The following CDH13 variants were observed in gnomAD, a reference collection of about 807,000 sequenced individuals.
The protein encoded by CDH13 is cadherin 13.
Under a neutral mutation model 63.8 loss-of-function variants are expected in CDH13, and 24 were observed. That is an observed-to-expected ratio of 0.38 (90% CI 0.27 to 0.53). The LOEUF is 0.53. Among genes scored for constraint, CDH13 ranks in the 20% least tolerant of loss-of-function variants. The probability of loss-of-function intolerance (pLI) is 0.85; values close to 1 mark genes in which losing one functional copy is unlikely to be tolerated. For synonymous variants in CDH13, 503 were observed against 355.3 expected, an observed-to-expected ratio of 1.42 and a Z score of -4.67; for missense variants, 1,049 against 903.1, an observed-to-expected ratio of 1.16 and a Z score of -2.07.
intron 8 of CDH13, among the ~76,000 whole-genome samples, chr16:83,617,702 TCA>T (rs1294157891): frequency 6.6e-6 from 1 of 151,484 alleles, no homozygotes; most frequent in Non-Finnish European, 1.5e-5. Flanking sequence ...AATCTTAATA[TCA>T]CATATTCTAT....
chr16:83,056,016 C>T (rs2030891148), intron 3 of CDH13, among the ~76,000 whole-genome samples: 1 of 152,024 alleles, frequency 6.6e-6, no homozygotes, highest in South Asian at 2.1e-4. Flanking sequence ...AACAAAAGGG[C>T]AGAGAACCCA....
intron 8 of CDH13, among the ~76,000 whole-genome samples, chr16:83,661,065 A>G (rs985948722): frequency 4.0e-5 from 6 of 151,716 alleles, no homozygotes; most frequent in African/African-American, 4.8e-5. Flanking sequence ...TTTTTTTTCA[A>G]ACAAAATCCC....
chr16:83,294,921 A>G lies in CDH13; in HGVS notation c.637-49941A>G, dbSNP rs78856569. ...AAACCACAAAAGACCATGGATAGCCAAAGTAATCTTGAGCAAAGAGAACAA... is the reference window on the plus strand; with the variant it reads ...AAACCACAAAAGACCATGGATAGCCGAAGTAATCTTGAGCAAAGAGAACAA... On this transcript the variant is annotated intron_variant, in intron 5 of 13. Coordinates refer to ENST00000567109, the MANE Select transcript of CDH13 (RefSeq NM_001257.5). Among the ~76,000 whole-genome samples the G allele has an allele frequency of 3.9e-3, 600 of 152,272 alleles. 4 individuals are homozygous for G. The highest frequency in any genetic ancestry group is 0.011 in the African/African-American group (438 of 41,548).
At chr16:82,645,364 A>G (rs1251388107) in intron 1 of CDH13, among the ~76,000 whole-genome samples, 2 of 152,290 alleles carry the variant, frequency 1.3e-5, no homozygotes, top group East Asian at 3.9e-4. Context: ...TCTGACGTCT[A>G]TCCGTGGTGC....
rs539603443 is a variant in CDH13 at position 83,379,594 on chromosome 16, C to G, written c.781+34588C>G. ...CAACTTGATCATGAGAAGGTTTTCA[C>G]AGGCCTTCCTGAAATCATGATACTA... On this transcript the variant is annotated intron_variant, in intron 6 of 13. Coordinates refer to ENST00000567109, the MANE Select transcript of CDH13 (RefSeq NM_001257.5). Among the ~76,000 whole-genome samples the G allele has an allele frequency of 7.2e-5, 11 of 152,242 alleles. No homozygotes were observed. The South Asian group carries it at 1.7e-3, about 23-fold the overall frequency.
chr16:83,480,141 A>G (rs910286326), intron 6 of CDH13, among the ~76,000 whole-genome samples: 1 of 152,288 alleles, frequency 6.6e-6, no homozygotes, highest in South Asian at 2.1e-4. Context: ...CCCAGGCAAC[A>G]TGACAAAACC....
intron 2 of CDH13, among the ~76,000 whole-genome samples, chr16:82,879,618 A>T (rs1168699936): frequency 7.1e-6 from 1 of 140,884 alleles, no homozygotes; most frequent in African/African-American, 2.6e-5. Context: ...ATATTTATAC[A>T]TAATATAAAA....
chr16:83,228,972 G>GGTA (rs1394972746), intron 5 of CDH13, among the ~76,000 whole-genome samples: 1 of 152,098 alleles, frequency 6.6e-6, no homozygotes, highest in Non-Finnish European at 1.5e-5. Context: ...AGAAGACCTG[G>GGTA]GTAGTGAATG....
intron 5 of CDH13, among the ~76,000 whole-genome samples, chr16:83,249,372 C>A (rs1485337486): frequency 2.0e-5 from 3 of 152,128 alleles, no homozygotes; most frequent in Non-Finnish European, 4.4e-5. Context: ...ATGGGCAACA[C>A]CAAGGATTGT....
chr16:83,096,314 A>G (rs1340060964), intron 3 of CDH13, among the ~76,000 whole-genome samples: 2 of 152,210 alleles, frequency 1.3e-5, no homozygotes, highest in Non-Finnish European at 2.9e-5. Flanking sequence ...GAAACCAAAT[A>G]GGAATATATC....
intron 8 of CDH13, among the ~76,000 whole-genome samples, chr16:83,610,887 A>AGTGATTCCACC (rs1908799325): frequency 6.6e-6 from 1 of 152,224 alleles, no homozygotes; most frequent in African/African-American, 2.4e-5. Flanking sequence ...CAGAGTAGTT[A>AGTGATTCCACC]ACTCCAGTTT....
At chr16:83,120,109 T>C (rs2035498254) in intron 3 of CDH13, among the ~76,000 whole-genome samples, 1 of 151,200 alleles carries the variant, frequency 6.6e-6, no homozygotes, top group South Asian at 2.1e-4. Context: ...TTCTCTACAA[T>C]CAATACCTCC....
At chr16:83,324,183 C>G (rs1455939337) in intron 5 of CDH13, among the ~76,000 whole-genome samples, 1 of 152,062 alleles carries the variant, frequency 6.6e-6, no homozygotes, top group Non-Finnish European at 1.5e-5. Flanking sequence ...ATGACAGGCA[C>G]CTGCCACCAT....
intron 1 of CDH13, among the ~76,000 whole-genome samples, chr16:82,700,641 A>G (rs530925408): frequency 1.3e-5 from 2 of 152,158 alleles, no homozygotes; most frequent in East Asian, 3.9e-4. Flanking sequence ...TCAGGTTTTC[A>G]GTCCTGTCCT....
chr16:83,766,922 T>G (rs1191177987), intron 11 of CDH13, among the ~76,000 whole-genome samples: 2 of 152,210 alleles, frequency 1.3e-5, no homozygotes, highest in Non-Finnish European at 2.9e-5. Context: ...GCTGCCACCC[T>G]GTGAAGAAGA....
intron 11 of CDH13, among the ~76,000 whole-genome samples, chr16:83,762,002 G>A (rs1372487668): frequency 6.6e-6 from 1 of 151,702 alleles, no homozygotes; most frequent in African/African-American, 2.4e-5. Context: ...GGGAGGCAGA[G>A]GTTGCAGTGA....
intron 3 of CDH13, among the ~76,000 whole-genome samples, chr16:83,049,896 T>G (rs4396520): frequency 1.3e-5 from 2 of 151,988 alleles, no homozygotes; most frequent in Non-Finnish European, 2.9e-5. Flanking sequence ...ACAAGATTTA[T>G]GAGTTACATA....
chr16:83,269,441 C>T (rs1216770098), intron 5 of CDH13, among the ~76,000 whole-genome samples: 1 of 152,062 alleles, frequency 6.6e-6, no homozygotes, highest in Non-Finnish European at 1.5e-5. Flanking sequence ...TCTATTTGGA[C>T]CTAGGGATAT....
rs562063058 is a variant in CDH13 at position 83,659,178 on chromosome 16, C to A, written c.1102-11612C>A. Among the ~76,000 whole-genome samples, 678 of 148,742 alleles carry A rather than the reference C, an allele frequency of 4.6e-3. 2 individuals carry two copies. The highest frequency in any genetic ancestry group is 6.3e-3 in the Non-Finnish European group (425 of 67,160). ...TGTCCTCACCACCAGGTCCCATATCCTCACCAGGAAGGTCCCATATCCTCA... is the reference window on the plus strand; with the variant it reads ...TGTCCTCACCACCAGGTCCCATATCATCACCAGGAAGGTCCCATATCCTCA... On this transcript the variant is annotated intron_variant, in intron 8 of 13. Coordinates refer to ENST00000567109, the MANE Select transcript of CDH13 (RefSeq NM_001257.5).
Sources: allele counts gnomAD v4.1 joint callset (sites outside exome capture counted in the v4.1 genomes callset), GRCh38; gene constraint gnomAD v4.1.1; transcripts MANE v1.5; gene names NCBI Gene and HGNC (gene_info 2026-07-23, HGNC 2026-07-21).